Variants in SPOCK1 observed in about 807,000 individuals in gnomAD.
SPOCK1 encodes testican-1.
SPOCK1 carries 23 observed loss-of-function variants against 55.3 expected under a neutral mutation model. The observed-to-expected ratio is 0.42, with a 90% CI of 0.30 to 0.59. SPOCK1 has a LOEUF of 0.59. SPOCK1 is among the 20% of genes least tolerant of loss of function. The pLI is 0.22. For synonymous variants in SPOCK1, 226 were observed against 221.0 expected (o/e 1.02, Z -0.20); for missense variants, 499 against 552.5 (o/e 0.90, Z 0.97).
At chr5:137,359,061 G>A (rs1371912605) in intron 2 of SPOCK1, among the ~76,000 whole-genome samples, 2 of 152,176 alleles carry the variant, frequency 1.3e-5, no homozygotes, top group Non-Finnish European at 2.9e-5. Context: ...AATAAATCGA[G>A]CCCACTGGGG....
At chr5:137,442,096 AGATCTT>A (rs1313258297) in intron 2 of SPOCK1, among the ~76,000 whole-genome samples, 1 of 152,268 alleles carries the variant, frequency 6.6e-6, no homozygotes, top group Non-Finnish European at 1.5e-5. Context: ...ACATTCTGGC[AGATCTT>A]GATCCATTCC....
At chr5:137,148,555 A>G (rs546684294) in intron 3 of SPOCK1, among the ~76,000 whole-genome samples, 2 of 152,234 alleles carry the variant, frequency 1.3e-5, no homozygotes, top group African/African-American at 4.8e-5. Flanking sequence ...GTGTGATGGG[A>G]GTGGAAAGAG....
chr5:137,410,360 A>G (rs1752183410), intron 2 of SPOCK1, among the ~76,000 whole-genome samples: 1 of 152,218 alleles, frequency 6.6e-6, no homozygotes, highest in Admixed American at 6.5e-5. Context: ...GAACTGATCA[A>G]GATGTTAAGG....
At chr5:137,496,226 T>C (rs538860782) in intron 2 of SPOCK1, among the ~76,000 whole-genome samples, 1 of 152,344 alleles carries the variant, frequency 6.6e-6, no homozygotes, top group East Asian at 1.9e-4. Context: ...CCATGGATGC[T>C]ATAATTTAAC....
chr5:137,319,451 C>A (rs527653092), intron 2 of SPOCK1, among the ~76,000 whole-genome samples: 1 of 152,290 alleles, frequency 6.6e-6, no homozygotes, highest in Admixed American at 6.5e-5. Context: ...GACATCTCTC[C>A]AAGAGCAAGT....
chr5:137,177,733 T>C (rs1000296127), intron 3 of SPOCK1, among the ~76,000 whole-genome samples: 2 of 152,086 alleles, frequency 1.3e-5, no homozygotes, highest in African/African-American at 4.8e-5. Flanking sequence ...GCCCCAAGCA[T>C]TCACTTTGAA....
At chr5:137,427,248 A>G (rs1752650855) in intron 2 of SPOCK1, among the ~76,000 whole-genome samples, 2 of 152,178 alleles carry the variant, frequency 1.3e-5, no homozygotes, top group Admixed American at 1.3e-4. Context: ...AGCTAGTATT[A>G]TCTTTACTAA....
At chr5:136,986,397 C>A (rs1430541805) in intron 8 of SPOCK1, among the ~76,000 whole-genome samples, 1 of 152,092 alleles carries the variant, frequency 6.6e-6, no homozygotes, top group African/African-American at 2.4e-5. Flanking sequence ...GAACTCAAAC[C>A]TAAAACTATC....
chr5:137,084,415 C>T (rs529050554), intron 5 of SPOCK1, among the ~76,000 whole-genome samples: 17 of 152,004 alleles, frequency 1.1e-4, no homozygotes, highest in Middle Eastern at 3.2e-3. Context: ...GCATGGATAA[C>T]GTCTTTCTTC....
In SPOCK1 at chr5:137,494,496, G is replaced by T. The variant is rs188558101; in HGVS notation, c.186+3877C>A. Among the ~76,000 whole-genome samples the T allele has an allele frequency of 6.0e-3, 882 of 147,878 alleles. 11 individuals are homozygous for T. The highest frequency in any genetic ancestry group is 0.02 in the African/African-American group (844 of 41,280). On this transcript the variant is annotated intron_variant, in intron 2 of 10. Transcript: ENST00000394945. Reference sequence around the variant, plus strand: ...GGTTAAGTACTTCTCTCATAGGATTGTTATGAATATTAAGTGAGATAATAC... The same window carrying T: ...GGTTAAGTACTTCTCTCATAGGATTTTTATGAATATTAAGTGAGATAATAC...
chr5:137,280,104 C>T (rs7722619), intron 2 of SPOCK1, among the ~76,000 whole-genome samples: 1,823 of 152,252 alleles, frequency 0.012, 39 homozygotes, highest in African/African-American at 0.041. Flanking sequence ...AAAGGTCACA[C>T]TCTAGTTTGC....
chr5:137,109,671 G>A (rs1166655076), intron 5 of SPOCK1, among the ~76,000 whole-genome samples: 1 of 152,030 alleles, frequency 6.6e-6, no homozygotes, highest in Non-Finnish European at 1.5e-5. Context: ...CTTATCTCAT[G>A]TTTCTCCACA....
intron 3 of SPOCK1, among the ~76,000 whole-genome samples, chr5:137,237,376 G>A (rs1756200672): frequency 6.6e-6 from 1 of 152,106 alleles, no homozygotes; most frequent in South Asian, 2.1e-4. Context: ...GTCCCAGGAA[G>A]GAACATCCCA....
At chr5:137,206,672 T>A (rs911242523) in intron 3 of SPOCK1, among the ~76,000 whole-genome samples, 11 of 152,232 alleles carry the variant, frequency 7.2e-5, no homozygotes, top group Admixed American at 2.0e-4. Context: ...ATTCTACAAA[T>A]TAAAGTTGCT....
At chr5:136,984,533 G>C (rs1750802611) in intron 9 of SPOCK1, among the ~76,000 whole-genome samples, 1 of 152,142 alleles carries the variant, frequency 6.6e-6, no homozygotes, top group South Asian at 2.1e-4. Flanking sequence ...GCTGGAGAAA[G>C]GCAGGCTTGG....
chr5:137,273,975 A>G lies in SPOCK1; in HGVS notation c.187-6920T>C, dbSNP rs184893042. On this transcript the variant is annotated intron_variant, in intron 2 of 10. Transcript: ENST00000394945. The stretch of plus-strand genomic sequence containing the variant: ...TGATTCAAGGATCATCACCAACACA[A>G]AGAGCTCCCTCTTCTTAGGGACTTT... 2.0e-4 allele frequency among the ~76,000 whole-genome samples: 30 copies of G among 152,242 alleles called. No homozygotes were observed. The East Asian group carries it at 5.0e-3, about 26-fold the overall frequency.
At chr5:137,384,570 A>G (rs1189256006) in intron 2 of SPOCK1, among the ~76,000 whole-genome samples, 1 of 141,412 alleles carries the variant, frequency 7.1e-6, no homozygotes, top group Non-Finnish European at 1.5e-5. Flanking sequence ...ATACATATAT[A>G]TATATATATG....
chr5:137,176,777 G>C (rs952876933), intron 3 of SPOCK1, among the ~76,000 whole-genome samples: 1 of 152,074 alleles, frequency 6.6e-6, no homozygotes, highest in Non-Finnish European at 1.5e-5. Flanking sequence ...ACTGCATATG[G>C]AGCTAATAAG....
chr5:137,363,645 G>A (rs765086126), intron 2 of SPOCK1, among the ~76,000 whole-genome samples: 11 of 152,334 alleles, frequency 7.2e-5, no homozygotes, highest in South Asian at 2.1e-4. Context: ...GTTGGAGGAC[G>A]GGGACTAGAT....
Sources: gnomAD v4.1 joint callset for allele counts (sites outside exome capture counted in the v4.1 genomes callset) on GRCh38, gnomAD v4.1.1 for gene constraint, MANE v1.5 for transcripts, NCBI Gene and HGNC (gene_info 2026-07-23, HGNC 2026-07-21) for gene names.